SERPINE3: variants seen among roughly 807,000 people sequenced by gnomAD.
SERPINE3 encodes the protein serpin E3.
A neutral mutation model predicts 41.7 loss-of-function variants in SERPINE3; 43 were observed. The ratio of observed to expected loss-of-function variants is 1.03; its 90% CI spans 0.81 to 1.33. SERPINE3 has a LOEUF of 1.33. SERPINE3 is among the 40% of genes most tolerant of loss of function. The probability of loss-of-function intolerance (pLI) is 0.00; values close to 1 mark genes in which losing one functional copy is unlikely to be tolerated. For missense variants in SERPINE3, 440 were observed against 491.7 expected (o/e 0.89, Z 0.99); for synonymous variants, 200 against 192.2 (o/e 1.04, Z -0.34).
At chr13:51,340,984 C>G in intron 2 of SERPINE3, 91 bp from the exon 3 acceptor site, 1 of 1,340,390 alleles carries the variant, frequency 7.5e-7, no homozygotes, top group South Asian at 1.3e-5. Flanking sequence ...CCCCTAAAAA[C>G]AGAGCTGGGG....
In SERPINE3 at chr13:51,341,158, C is replaced by A; in HGVS notation, c.67C>A (p.Arg23Ser). The change falls in exon 3 of 10, where the codon CGT becomes AGT. Residue 23 changes from arginine (R) to serine (S), a missense_variant. Physicochemically the swap from Arg to Ser is moderately radical, Grantham distance 110 (BLOSUM62 -1). Transcript: ENST00000681248. ...SCCLRANGHLREGMTLLKTEF... is the reference protein window; with the variant it reads ...SCCLRANGHLSEGMTLLKTEF... The stretch of plus-strand genomic sequence containing the variant: ...CTGCCTCCGAGCAAATGGCCACCTC[C>A]GTGAAGGAATGACATTGCTGAAGAC... The A allele has an allele frequency of 6.2e-7, 1 of 1,614,026 alleles. No individual in the cohort carries two copies. Among genetic ancestry groups the A allele is most frequent in the South Asian group, 1.1e-5 (1 of 91,086 alleles).
chr13:51,361,521 T>G (rs1955574864), intron 8 of SERPINE3, 157 bp downstream of exon 8: 4 of 610,038 alleles, frequency 6.6e-6, no homozygotes, highest in Non-Finnish European at 1.1e-5. Context: ...AACAAAAAGT[T>G]TTTGAAAAAT....
chr13:51,348,490 C>T, intron 6 of SERPINE3, 79 bp downstream of exon 6: 3 of 1,228,262 alleles, frequency 2.4e-6, no homozygotes, highest in Admixed American at 3.7e-5. Flanking sequence ...GGTGGTCTGC[C>T]TCCAGGGTCT....
At chr13:51,347,964 C>A (rs796301402) in intron 5 of SERPINE3, among the ~76,000 whole-genome samples, 3 of 152,226 alleles carry the variant, frequency 2.0e-5, no homozygotes, top group East Asian at 3.9e-4. Flanking sequence ...CGTCCCCCCC[C>A]CCATACCCAG....
chr13:51,346,886 A>G (rs1955352381), intron 4 of SERPINE3, 139 bp from the exon 5 acceptor site: 6 of 635,646 alleles, frequency 9.4e-6, no homozygotes, highest in Admixed American at 2.5e-5. Context: ...ATATTGTAAG[A>G]TGAAGAGAGA....
intron 9 of SERPINE3, 41 bp downstream of exon 9, chr13:51,361,934 G>GT: frequency 6.2e-7 from 1 of 1,611,920 alleles, no homozygotes; most frequent in Non-Finnish European, 8.5e-7. Flanking sequence ...TAATTTATCA[G>GT]TGTCTCTCTA....
intron 4 of SERPINE3, 73 bp downstream of exon 4, chr13:51,344,558 T>A: frequency 8.0e-7 from 1 of 1,250,596 alleles, no homozygotes; most frequent in Non-Finnish European, 1.1e-6. Flanking sequence ...CCATCACTTG[T>A]CAGAGGCCAT....
chr13:51,341,426 C>T lies in SERPINE3; in HGVS notation c.256+79C>T, dbSNP rs1955290417. 7 of 1,256,438 alleles carry T rather than the reference C, an allele frequency of 5.6e-6. No individual in the cohort carries two copies. The Admixed American group carries it at 1.0e-4, about 19-fold the overall frequency. The allele number at this position is 1,256,438 out of a possible 1,614,324, so 77.8% of individuals were successfully genotyped here. A position where few individuals can be genotyped will look rare whatever the true frequency, so the allele number is the denominator to read the frequency against. On this transcript the variant is annotated intron_variant, in intron 3 of 9. Coordinates refer to ENST00000681248, the MANE Select transcript of SERPINE3 (RefSeq NM_001386375.1). ...TCTCTCCAGCTCACCCTCCTGCTCA[C>T]ACTCACACTCACTCTCTCCAGCTTA...
At chr13:51,362,307 T>C (rs1400718596) in intron 9 of SERPINE3, 1 of 237,422 alleles carries the variant, frequency 4.2e-6, no homozygotes, top group East Asian at 1.2e-4. Flanking sequence ...CTTGTGATCC[T>C]AGTATTCTAA....
chr13:51,340,499 G>A (rs1229543996), intron 1 of SERPINE3, among the ~76,000 whole-genome samples: 3 of 152,102 alleles, frequency 2.0e-5, no homozygotes, highest in Non-Finnish European at 4.4e-5. Context: ...AGAAGACCAG[G>A]ATTTGAGTCA....
rs1461355924 is a variant in SERPINE3, at chr13:51,341,242, G to A, written c.151G>A (p.Val51Ile). 1 of 1,614,014 alleles carries A rather than the reference G, an allele frequency of 6.2e-7. No homozygotes were observed. The highest frequency in any genetic ancestry group is 8.5e-7 in the Non-Finnish European group (1 of 1,179,886). ...VAACRNETNF[V>I]ISPAGVSLPL... ...CGCGTGTAGAAATGAGACGAACTTTGTCATCTCTCCTGCTGGTGTGTCCCT... is the reference window on the plus strand; with the variant it reads ...CGCGTGTAGAAATGAGACGAACTTTATCATCTCTCCTGCTGGTGTGTCCCT... Residue 51 changes from valine (V) to isoleucine (I), a missense_variant, in exon 3 of 10, where the codon GTC (valine) becomes ATC (isoleucine). By Grantham distance (29) the Val-to-Ile change is conservative (BLOSUM62 3). Coordinates refer to ENST00000681248, the MANE Select transcript of SERPINE3 (RefSeq NM_001386375.1).
intron 3 of SERPINE3, 43 bp from the exon 4 acceptor site, chr13:51,344,209 T>A (rs1955322049): frequency 6.9e-7 from 1 of 1,457,118 alleles, no homozygotes; most frequent in South Asian, 1.2e-5. Flanking sequence ...AACTCCTTAC[T>A]CACACTCACC....
chr13:51,347,531 C>A (rs1955359609), intron 5 of SERPINE3, among the ~76,000 whole-genome samples: 1 of 152,204 alleles, frequency 6.6e-6, no homozygotes. Context: ...GCCACCCTGG[C>A]AGGCACAATA....
chr13:51,357,689 T>C (rs1287080351), intron 7 of SERPINE3, among the ~76,000 whole-genome samples: 1 of 151,974 alleles, frequency 6.6e-6, no homozygotes, highest in Non-Finnish European at 1.5e-5. Flanking sequence ...TCCTTGATAC[T>C]AGATGTTATG....
At chr13:51,360,779 C>G (rs964625453) in intron 7 of SERPINE3, among the ~76,000 whole-genome samples, 1 of 151,968 alleles carries the variant, frequency 6.6e-6, no homozygotes, top group Non-Finnish European at 1.5e-5. Context: ...TAATAAAAAC[C>G]TGTGACTTTG....
At position 51,355,162 on chromosome 13, in the gene SERPINE3, CCAAA is replaced by C. The variant is rs1218883513; in HGVS notation, c.1000+21_1000+24del. ...ATTTCAGGTAAAAACGGTTCTTCTT[CCAAA>C]CGTTCTAGCCGTGTATTTGGGGCAG... On this transcript the variant is annotated intron_variant, in intron 7 of 9. Coordinates refer to ENST00000681248, the MANE Select transcript of SERPINE3 (RefSeq NM_001386375.1). The C allele has an allele frequency of 7.9e-7, 1 of 1,268,312 alleles. No individual in the cohort carries two copies. Among genetic ancestry groups the C allele is most frequent in the Non-Finnish European group, 1.1e-6 (1 of 890,118 alleles). The allele number at this position is 1,268,312 out of a possible 1,614,324, so 78.6% of individuals were successfully genotyped here.
At chr13:51,342,028 G>A (rs1195843027) in intron 3 of SERPINE3, among the ~76,000 whole-genome samples, 2 of 152,048 alleles carry the variant, frequency 1.3e-5, no homozygotes, top group African/African-American at 4.8e-5. Flanking sequence ...TCTTTCGAAT[G>A]CCAGGTCAGC....
intron 3 of SERPINE3, among the ~76,000 whole-genome samples, chr13:51,343,320 T>C (rs9568574): frequency 0.025 from 3,739 of 152,296 alleles, 61 homozygotes; most frequent in South Asian, 0.056. Flanking sequence ...CTGGAAACAC[T>C]CAGCTTGCAT....
At position 51,364,219 on chromosome 13, in the gene SERPINE3, A is replaced by G. The variant is rs1329034189; in HGVS notation, c.1172-20A>G. The G allele has an allele frequency of 1.1e-5, 15 of 1,325,488 alleles. No homozygotes were observed. The East Asian group carries it at 3.3e-4, about 29-fold the overall frequency. 82.1% of individuals were successfully genotyped at this position (1,325,488 alleles called of 1,614,324 possible). ...ATATGAAAATACTATATAATATTAAATTCTTCTTTTTCTTGACAGGGTTTG... is the reference window on the plus strand; with the variant it reads ...ATATGAAAATACTATATAATATTAAGTTCTTCTTTTTCTTGACAGGGTTTG... On this transcript the variant is annotated intron_variant, in intron 9 of 9. Coordinates refer to ENST00000681248, the MANE Select transcript of SERPINE3 (RefSeq NM_001386375.1).
Sources: allele counts gnomAD v4.1 joint callset (sites outside exome capture counted in the v4.1 genomes callset), GRCh38; gene constraint gnomAD v4.1.1; transcripts MANE v1.5; gene names NCBI Gene and HGNC (gene_info 2026-07-23, HGNC 2026-07-21).